The following COLEC12 variants were observed in gnomAD, a reference collection of about 807,000 sequenced individuals.
COLEC12 encodes the protein collectin subfamily member 12.
Under a neutral mutation model 71.1 loss-of-function variants are expected in COLEC12, and 33 were observed. The ratio of observed to expected loss-of-function variants is 0.46; its 90% CI spans 0.35 to 0.62. The LOEUF (loss-of-function observed/expected upper bound fraction) is 0.62, where lower values mean the gene tolerates loss of function less well. COLEC12 is among the 20% of genes least tolerant of loss of function. The pLI is 0.00. For missense variants in COLEC12, 765 were observed against 916.1 expected, an observed-to-expected ratio of 0.84 and a Z score of 2.13; for synonymous variants, 350 against 353.0, an observed-to-expected ratio of 0.99 and a Z score of 0.10.
intron 3 of COLEC12, among the ~76,000 whole-genome samples, chr18:348,595 G>C (rs935773742): frequency 3.3e-5 from 5 of 152,146 alleles, no homozygotes; most frequent in African/African-American, 1.2e-4. Flanking sequence ...CATTTACCTA[G>C]AAGAGGATTC....
At chr18:433,001 A>G (rs954224773) in intron 2 of COLEC12, among the ~76,000 whole-genome samples, 3 of 152,126 alleles carry the variant, frequency 2.0e-5, no homozygotes, top group African/African-American at 7.2e-5. Flanking sequence ...TGTGGCTTTC[A>G]TGGCATAATT....
intron 2 of COLEC12, among the ~76,000 whole-genome samples, chr18:424,919 G>A (rs982243614): frequency 1.3e-5 from 2 of 152,234 alleles, no homozygotes; most frequent in South Asian, 4.1e-4. Flanking sequence ...TGAGCAGGGT[G>A]TGCTGGGTCA....
chr18:465,754 C>G (rs1917072253), intron 2 of COLEC12, among the ~76,000 whole-genome samples: 1 of 152,042 alleles, frequency 6.6e-6, no homozygotes, highest in East Asian at 1.9e-4. Flanking sequence ...GCAAAAGGAC[C>G]TTCCCAGTCT....
At chr18:419,574 T>C (rs1916057463) in intron 2 of COLEC12, among the ~76,000 whole-genome samples, 1 of 152,220 alleles carries the variant, frequency 6.6e-6, no homozygotes, top group Non-Finnish European at 1.5e-5. Context: ...TCAAAACGTT[T>C]CTAACAAAAC....
intron 2 of COLEC12, among the ~76,000 whole-genome samples, chr18:446,413 A>C (rs945712983): frequency 2.6e-5 from 4 of 152,034 alleles, no homozygotes; most frequent in African/African-American, 9.7e-5. Flanking sequence ...TATAAAAATC[A>C]TCTTTGGGCC....
chr18:489,568 G>A (rs748853409), intron 1 of COLEC12, among the ~76,000 whole-genome samples: 7 of 152,184 alleles, frequency 4.6e-5, no homozygotes. Flanking sequence ...ACACACAGAG[G>A]AGAGATTTGG....
chr18:425,579 G>A (rs906671105), intron 2 of COLEC12, among the ~76,000 whole-genome samples: 3 of 152,150 alleles, frequency 2.0e-5, no homozygotes, highest in East Asian at 1.9e-4. Flanking sequence ...GGATGACAGC[G>A]CTGGGGGAAG....
At chr18:442,000 TCTAC>T (rs142932544) in intron 2 of COLEC12, among the ~76,000 whole-genome samples, 2,950 of 116,466 alleles carry the variant, frequency 0.025, 62 homozygotes, top group East Asian at 0.11. Context: ...ACTCTCTCTC[TCTAC>T]ACACACACAC....
rs1433738381 is a variant in COLEC12 at position 317,505 on chromosome 18, GGGA to G, written c.*2537_*2539del. Reference sequence around the variant, plus strand: ...GTAAGACCTGCTTCCTAGGGCTGTTGGGAGGATCAGGTGAGACAATCTGATTGA... The same window carrying G: ...GTAAGACCTGCTTCCTAGGGCTGTTGGGATCAGGTGAGACAATCTGATTGA... On this transcript the variant is annotated 3_prime_UTR_variant, in exon 10 of 10. Coordinates refer to ENST00000400256, the MANE Select transcript of COLEC12 (RefSeq NM_130386.3). The G allele has an allele frequency of 6.6e-6, 1 of 152,182 alleles. No homozygotes were observed. Among genetic ancestry groups the G allele is most frequent in the Non-Finnish European group, 1.5e-5 (1 of 68,054 alleles). The allele number at this position is 152,182 out of a possible 1,614,324, so 9.4% of individuals were successfully genotyped here.
intron 2 of COLEC12, among the ~76,000 whole-genome samples, chr18:436,622 T>A (rs892193069): frequency 5.8e-4 from 87 of 150,590 alleles, no homozygotes; most frequent in African/African-American, 2.1e-3. Flanking sequence ...ACAGATCTCC[T>A]CTGTGTTTAA....
chr18:379,125 G>T (rs1426344837), intron 2 of COLEC12, among the ~76,000 whole-genome samples: 2 of 146,856 alleles, frequency 1.4e-5, no homozygotes, highest in South Asian at 2.2e-4. Flanking sequence ...TTTTGTTTTT[G>T]TTTTTTTTTT....
intron 2 of COLEC12, among the ~76,000 whole-genome samples, chr18:464,365 C>T (rs1476548210): frequency 6.6e-6 from 1 of 152,192 alleles, no homozygotes; most frequent in Non-Finnish European, 1.5e-5. Context: ...ATATGTGCTT[C>T]CCTCCTTTGA....
intron 2 of COLEC12, among the ~76,000 whole-genome samples, chr18:440,390 C>CACACACACAT: frequency 6.6e-6 from 1 of 152,106 alleles, no homozygotes; most frequent in South Asian, 2.1e-4. Context: ...CACACACACA[C>CACACACACAT]ACACACACAC....
chr18:373,886 T>A lies in COLEC12; in HGVS notation c.59-16364A>T, dbSNP rs183408408. 3.3e-5 allele frequency among the ~76,000 whole-genome samples: 5 copies of A among 152,376 alleles called. No individual in the cohort carries two copies. The East Asian group carries it at 9.6e-4, about 29-fold the overall frequency. On this transcript the variant is annotated intron_variant, in intron 2 of 9. Coordinates refer to ENST00000400256, the MANE Select transcript of COLEC12 (RefSeq NM_130386.3). ...ACATGTAATTCTATTCACTGTACTC[T>A]GCTGTGAAGACGCTACAACCTCCCT...
intron 1 of COLEC12, among the ~76,000 whole-genome samples, chr18:497,945 G>A (rs1917743408): frequency 6.6e-6 from 1 of 152,150 alleles, no homozygotes; most frequent in Admixed American, 6.5e-5. Flanking sequence ...ACCTCTTCCT[G>A]GATACAGCAC....
Position 390,334 on chromosome 18 carries a change from T to G in COLEC12, c.59-32812A>C, listed in dbSNP as rs8091930. 2.2e-3 allele frequency among the ~76,000 whole-genome samples: 332 copies of G among 152,362 alleles called. 1 individual carries two copies. Among genetic ancestry groups the G allele is most frequent in the African/African-American group, 7.6e-3 (317 of 41,572 alleles). The stretch of plus-strand genomic sequence containing the variant: ...CTGAAAAAGAGGCAGGATGACAAAC[T>G]TGAGTTACACTCTTCCAAAGCAGAA... On this transcript the variant is annotated intron_variant, in intron 2 of 9. Transcript: ENST00000400256.
At chr18:388,229 C>T (rs1239128247) in intron 2 of COLEC12, among the ~76,000 whole-genome samples, 1 of 152,166 alleles carries the variant, frequency 6.6e-6, no homozygotes, top group Non-Finnish European at 1.5e-5. Flanking sequence ...ATATTTAAGG[C>T]TGTTAGTAGC....
intron 1 of COLEC12, among the ~76,000 whole-genome samples, chr18:489,854 A>AT (rs1917588204): frequency 6.6e-6 from 1 of 152,232 alleles, no homozygotes; most frequent in Non-Finnish European, 1.5e-5. Context: ...CTCTTCTGCT[A>AT]TAAAAGGAAG....
At chr18:440,679 G>T (rs372624161) in intron 2 of COLEC12, among the ~76,000 whole-genome samples, 3 of 152,216 alleles carry the variant, frequency 2.0e-5, no homozygotes. Flanking sequence ...GTATCCATGG[G>T]TTCCTCGTCC....
Sources: allele counts gnomAD v4.1 joint callset (sites outside exome capture counted in the v4.1 genomes callset), GRCh38; gene constraint gnomAD v4.1.1; transcripts MANE v1.5; gene names NCBI Gene and HGNC (gene_info 2026-07-23, HGNC 2026-07-21).